PIK3C2A: variants seen among roughly 807,000 people sequenced by gnomAD.
The protein encoded by PIK3C2A is phosphatidylinositol-4-phosphate 3-kinase catalytic subunit type 2 alpha.
PIK3C2A carries 97 observed loss-of-function variants against 204.5 expected under a neutral mutation model. The observed-to-expected ratio is 0.47, with a 90% CI of 0.40 to 0.56. The LOEUF is 0.56. PIK3C2A is among the 20% of genes least tolerant of loss of function. The pLI, the probability that PIK3C2A is intolerant of heterozygous loss-of-function variation, is 0.00. For synonymous variants in PIK3C2A, 653 were observed against 664.4 expected, an observed-to-expected ratio of 0.98 and a Z score of 0.26; for missense variants, 1,735 against 1,969.2, an observed-to-expected ratio of 0.88 and a Z score of 2.25.
At chr11:17,125,285 T>G (rs1380334455) in intron 13 of PIK3C2A, among the ~76,000 whole-genome samples, 5 of 152,084 alleles carry the variant, frequency 3.3e-5, no homozygotes, top group Non-Finnish European at 7.4e-5. Context: ...TGGAAATAAT[T>G]TTGGTTGTAA....
chr11:17,180,192 G>A (rs1175979114), intron 1 of PIK3C2A, among the ~76,000 whole-genome samples: 3 of 152,202 alleles, frequency 2.0e-5, no homozygotes, highest in Non-Finnish European at 1.5e-5. Context: ...GGGCAATGTG[G>A]TGAATCCTTA....
At chr11:17,178,717 T>A (rs1470459034) in intron 1 of PIK3C2A, among the ~76,000 whole-genome samples, 4,342 of 38,126 alleles carry the variant, frequency 0.11, 993 homozygotes, top group East Asian at 0.28. Context: ...TTTTGAATTT[T>A]TTTTTTTTTT....
chr11:17,128,462 C>T (rs754216426), intron 13 of PIK3C2A, among the ~76,000 whole-genome samples: 1 of 152,096 alleles, frequency 6.6e-6, no homozygotes, highest in Non-Finnish European at 1.5e-5. Flanking sequence ...TGTTCTCAAA[C>T]TGCTGACCTC....
chr11:17,149,051 T>A (rs2137431545), intron 4 of PIK3C2A, among the ~76,000 whole-genome samples: 1 of 152,266 alleles, frequency 6.6e-6, no homozygotes, highest in African/African-American at 2.4e-5. Flanking sequence ...GATTCACCAA[T>A]CTTGGAACAA....
chr11:17,194,773 G>T (rs12273119), intron 1 of PIK3C2A, among the ~76,000 whole-genome samples: 34 of 152,260 alleles, frequency 2.2e-4, no homozygotes, highest in African/African-American at 7.9e-4. Flanking sequence ...GCTGGGCATG[G>T]TGGCACATGC....
At chr11:17,106,984 G>T (rs1198789841) in intron 22 of PIK3C2A, among the ~76,000 whole-genome samples, 1 of 152,134 alleles carries the variant, frequency 6.6e-6, no homozygotes, top group Non-Finnish European at 1.5e-5. Context: ...ATGCCTGGCT[G>T]AACAAATTGT....
At chr11:17,105,071 T>C (rs1395585521) in intron 23 of PIK3C2A, 98 bp downstream of exon 23, 1 of 866,100 alleles carries the variant, frequency 1.2e-6, no homozygotes, top group Non-Finnish European at 1.9e-6. Flanking sequence ...TTAGACTAAA[T>C]GACTATTTGG....
chr11:17,120,325 C>T (rs1467609742), intron 15 of PIK3C2A, among the ~76,000 whole-genome samples: 4 of 151,402 alleles, frequency 2.6e-5, no homozygotes, highest in East Asian at 1.9e-4. Context: ...TCATCCATTT[C>T]GTACAAATAA....
chr11:17,126,277 G>A (rs1849519479), intron 13 of PIK3C2A, among the ~76,000 whole-genome samples: 1 of 152,060 alleles, frequency 6.6e-6, no homozygotes, highest in African/African-American at 2.4e-5. Flanking sequence ...TGCTGGACAT[G>A]GTAGCTCACG....
intron 6 of PIK3C2A, among the ~76,000 whole-genome samples, 166 bp downstream of exon 6, chr11:17,147,351 T>C (rs1850274416): frequency 1.3e-5 from 2 of 152,224 alleles, no homozygotes; most frequent in South Asian, 4.1e-4. Flanking sequence ...TAAACCTCCA[T>C]GATTGAACAT....
At chr11:17,168,481 T>A (rs1203394764) in intron 2 of PIK3C2A, among the ~76,000 whole-genome samples, 196 bp downstream of exon 2, 1 of 152,026 alleles carries the variant, frequency 6.6e-6, no homozygotes, top group Non-Finnish European at 1.5e-5. Context: ...CTCGGGAGGC[T>A]GAGGCAGGAG....
chr11:17,127,477 T>G lies in PIK3C2A; in HGVS notation c.2399+1823A>C, dbSNP rs183499514. 1.1e-3 allele frequency among the ~76,000 whole-genome samples: 171 copies of G among 152,022 alleles called. 1 individual carries two copies. The highest frequency in any genetic ancestry group is 1.3e-3 in the Non-Finnish European group (89 of 67,956). Reference sequence around the variant, plus strand: ...ATGTGCGCCACCACACCTGGCTAATTTTTGTATTTTTAGTAGAGATGGGGT... The same window carrying G: ...ATGTGCGCCACCACACCTGGCTAATGTTTGTATTTTTAGTAGAGATGGGGT... On this transcript the variant is annotated intron_variant, in intron 13 of 32. Coordinates refer to ENST00000691414, the MANE Select transcript of PIK3C2A (RefSeq NM_002645.4).
intron 9 of PIK3C2A, 136 bp downstream of exon 9, chr11:17,136,346 C>A (rs958463099): frequency 3.7e-4 from 247 of 674,644 alleles, no homozygotes; most frequent in Non-Finnish European, 5.1e-4. Flanking sequence ...GAATCCCCAC[C>A]TAACCAAGTA....
At chr11:17,121,606 T>G (rs1220459803) in intron 15 of PIK3C2A, among the ~76,000 whole-genome samples, 1 of 152,186 alleles carries the variant, frequency 6.6e-6, no homozygotes, top group Non-Finnish European at 1.5e-5. Flanking sequence ...GCAAATAGTA[T>G]AATTCCCATT....
At chr11:17,194,094 T>A (rs1351605814) in intron 1 of PIK3C2A, 2 of 510,948 alleles carry the variant, frequency 3.9e-6, no homozygotes, top group Non-Finnish European at 6.2e-6. Flanking sequence ...AAGCCCAAGA[T>A]CCCAAAGGGT....
intron 1 of PIK3C2A, chr11:17,194,273 A>C (rs1023612072): frequency 3.2e-6 from 1 of 315,994 alleles, no homozygotes; most frequent in Non-Finnish European, 6.0e-6. Flanking sequence ...TCAGGTTCGC[A>C]AAGGTGCTCA....
chr11:17,136,810 C>T (rs573720648), intron 8 of PIK3C2A, among the ~76,000 whole-genome samples, 185 bp from the exon 9 acceptor site: 174 of 152,204 alleles, frequency 1.1e-3, no homozygotes, highest in African/African-American at 3.7e-3. Context: ...AAGGCAAGGC[C>T]GGGTTAATTT....
Position 17,136,501 on chromosome 11 carries a change from G to A in PIK3C2A, c.1829C>T (p.Pro610Leu), listed in dbSNP as rs750414961. 33 of 1,609,562 alleles carry A rather than the reference G, an allele frequency of 2.1e-5. No homozygotes were observed. The South Asian group carries it at 3.3e-4, about 16-fold the overall frequency. ...ACTCACATCAGCAGTTTTACTCCTT[G>A]GAAGATTAACTGCTCTCTTTAGCTT... ...VKKLKRAVNL[P>L]RSKTADVTSL... The change falls in exon 9 of 33, where the codon CCA becomes CTA. Residue 610 changes from proline (P) to leucine (L), a missense_variant. This residue lies in a region of PIK3C2A where 10 missense variants were observed against 28.1 expected (regional missense o/e 0.36). Transcript: ENST00000691414.
At chr11:17,182,456 A>G (rs1192638940) in intron 1 of PIK3C2A, among the ~76,000 whole-genome samples, 1 of 151,508 alleles carries the variant, frequency 6.6e-6, no homozygotes, top group African/African-American at 2.4e-5. Context: ...AGTCCCAGCT[A>G]CTCTGGAGGC....
Sources: allele counts gnomAD v4.1 joint callset (sites outside exome capture counted in the v4.1 genomes callset), GRCh38; gene constraint gnomAD v4.1.1; regional missense constraint gnomAD v4.1.1; transcripts MANE v1.5; gene names NCBI Gene and HGNC (gene_info 2026-07-23, HGNC 2026-07-21).